The following AFF3 variants were observed in gnomAD, a reference collection of about 807,000 sequenced individuals.
AFF3 encodes ALF transcription elongation factor 3, also known as AF4/FMR2 family member 3.
A neutral mutation model predicts 129.7 loss-of-function variants in AFF3; 32 were observed. The observed-to-expected ratio is 0.25, with a 90% CI of 0.19 to 0.33. AFF3 has a LOEUF of 0.33. Ranked by LOEUF, AFF3 falls within the 10% of genes least tolerant of loss-of-function variation. AFF3 has a pLI of 1.00. For missense variants in AFF3, 1,373 were observed against 1,592.0 expected (o/e 0.86, Z 2.34); for synonymous variants, 644 against 635.4 (o/e 1.01, Z -0.20).
intron 13 of AFF3, among the ~76,000 whole-genome samples, chr2:99,635,461 TTG>T (rs149975940): frequency 1.0e-4 from 15 of 150,526 alleles, no homozygotes; most frequent in African/African-American, 1.5e-4. Flanking sequence ...CCATGCTAAT[TTG>T]TGTGTGTGTG....
At chr2:100,104,792 T>TGCTGCAGCCGCC in intron 3 of AFF3, 1 of 740,594 alleles carries the variant, frequency 1.4e-6, no homozygotes, top group African/African-American at 3.0e-5. Context: ...CCCGGCCCGC[T>TGCTGCAGCCGCC]GCTGCAGCCG....
At chr2:99,574,517 T>C (rs731638) in intron 18 of AFF3, among the ~76,000 whole-genome samples, 3 of 152,098 alleles carry the variant, frequency 2.0e-5, no homozygotes, top group African/African-American at 7.2e-5. Context: ...TTCACCTGCA[T>C]GTAGATTCCT....
chr2:99,633,318 T>C (rs1459992237), intron 13 of AFF3, among the ~76,000 whole-genome samples: 1 of 152,034 alleles, frequency 6.6e-6, no homozygotes, highest in East Asian at 1.9e-4. Context: ...ACAGCAGTGA[T>C]GAGGGTCACC....
chr2:100,006,856 G>A lies in AFF3; in HGVS notation c.649C>T (p.Pro217Ser), dbSNP rs776344720. 2 of 1,614,204 alleles carry A rather than the reference G, an allele frequency of 1.2e-6. No individual in the cohort carries two copies. Among genetic ancestry groups the A allele is most frequent in the Non-Finnish European group, 8.5e-7 (1 of 1,180,040 alleles). Residue 217 changes from proline (P) to serine (S), a missense_variant, in exon 7 of 25, where the codon CCT becomes TCT. Physicochemically the swap from Pro to Ser is moderately conservative, Grantham distance 74. Around this residue, in one of 9 missense-constraint regions of AFF3, gnomAD observed 255 missense variants for 256.0 expected, o/e 1.00. Transcript: ENST00000672756. ...SSSGHCVQNFPPSLASKPSLV... is the reference protein window; with the variant it reads ...SSSGHCVQNFSPSLASKPSLV... ...CTGGGTTTTGAAGCTAGGGATGGAG[G>A]AAAGTTCTGAACACAGTGTCCGCTG...
At chr2:99,839,765 C>A (rs1023877152) in intron 7 of AFF3, among the ~76,000 whole-genome samples, 27 of 152,116 alleles carry the variant, frequency 1.8e-4, no homozygotes, top group African/African-American at 6.5e-4. Flanking sequence ...GCATGTATCA[C>A]CATGCCCGGC....
intron 8 of AFF3, among the ~76,000 whole-genome samples, chr2:99,813,694 G>T (rs140063500): frequency 6.6e-6 from 1 of 152,340 alleles, no homozygotes; most frequent in African/African-American, 2.4e-5. Flanking sequence ...CCTGGTTAGA[G>T]CCTTCTCTGT....
In AFF3 at chr2:99,629,746, G is replaced by A. The variant is rs964954545; in HGVS notation, c.1184+19880C>T. 4.6e-5 allele frequency among the ~76,000 whole-genome samples: 7 copies of A among 152,260 alleles called. No homozygotes were observed. In the South Asian group the frequency reaches 8.3e-4, roughly 18 times the overall value. ...GTCCCATGGGGAGGCTCCTCGTCCC[G>A]GTGTGCGGATGGCCATCTTCTTGCT... On this transcript the variant is annotated intron_variant, in intron 13 of 24. Coordinates refer to ENST00000672756, the MANE Select transcript of AFF3 (RefSeq NM_001386135.1).
intron 2 of AFF3, chr2:100,106,523 G>A: frequency 1.0e-6 from 1 of 1,000,038 alleles, no homozygotes; most frequent in Non-Finnish European, 1.2e-6. Context: ...AAGTGAGATC[G>A]AGACATTGAG....
chr2:99,915,138 T>C (rs1180264275), intron 7 of AFF3, among the ~76,000 whole-genome samples: 3 of 152,080 alleles, frequency 2.0e-5, no homozygotes, highest in Admixed American at 1.3e-4. Flanking sequence ...CTTTTAAGTA[T>C]GAAATTCTTA....
chr2:99,618,191 A>G (rs1253074417), intron 13 of AFF3, among the ~76,000 whole-genome samples: 1 of 139,232 alleles, frequency 7.2e-6, no homozygotes, highest in Non-Finnish European at 1.5e-5. Context: ...TAGTGTTGCT[A>G]GGTGGTTTAG....
Position 99,593,690 on chromosome 2 carries a change from C to T in AFF3, c.1971G>A (p.Arg657=), listed in dbSNP as rs760396715. Residue 657 remains arginine, a synonymous_variant, in exon 15 of 25, where the codon AGG becomes AGA. Coordinates refer to ENST00000672756, the MANE Select transcript of AFF3 (RefSeq NM_001386135.1). The part of the protein sequence containing the change: ...CEKRRTRGLS[R]IVPKSKEFIE... ...TGAACTCCTTGGATTTGGGGACGAT[C>T]CTGCTTAGCCCCCGCGTGCGGCGCT... 1.2e-6 allele frequency: 2 copies of T among 1,605,684 alleles called. No homozygotes were observed. Among genetic ancestry groups the T allele is most frequent in the Admixed American group, 1.7e-5 (1 of 59,564 alleles).
At chr2:99,561,133 C>T (rs1051575603) in intron 20 of AFF3, among the ~76,000 whole-genome samples, 20 of 152,198 alleles carry the variant, frequency 1.3e-4, no homozygotes, top group South Asian at 2.1e-4. Context: ...CTCAGCTCAG[C>T]GACTTATAAG....
intron 11 of AFF3, among the ~76,000 whole-genome samples, chr2:99,685,116 T>C (rs1383406997): frequency 6.6e-6 from 1 of 152,070 alleles, no homozygotes; most frequent in Non-Finnish European, 1.5e-5. Flanking sequence ...TTTTTGTAAT[T>C]TTAATAGAGA....
intron 2 of AFF3, among the ~76,000 whole-genome samples, chr2:100,114,635 G>A (rs746289268): frequency 3.3e-5 from 5 of 152,094 alleles, no homozygotes; most frequent in African/African-American, 4.8e-5. Flanking sequence ...ACCCACCTTG[G>A]CCTCCCAAAG....
intron 7 of AFF3, among the ~76,000 whole-genome samples, chr2:99,940,647 T>C (rs952810418): frequency 6.6e-6 from 1 of 152,192 alleles, no homozygotes; most frequent in African/African-American, 2.4e-5. Flanking sequence ...CACCCTTGTT[T>C]AGCATATCAT....
At position 99,719,046 on chromosome 2, in the gene AFF3, C is replaced by G. The variant is rs62156499; in HGVS notation, c.1091+8031G>C. ...GATTATAGGTGTGAGCCAACGCGCC[C>G]GGCCTTTTTTTTTTTTTTTTTTTTC... On this transcript the variant is annotated intron_variant, in intron 11 of 24. Transcript: ENST00000672756. Among the ~76,000 whole-genome samples the G allele has an allele frequency of 5.2e-5, 7 of 133,426 alleles. No individual in the cohort carries two copies. The South Asian group carries it at 1.5e-3, about 28-fold the overall frequency. The allele number at this position is 133,426 out of a possible 152,430, so 87.5% of individuals were successfully genotyped here.
intron 7 of AFF3, among the ~76,000 whole-genome samples, chr2:99,984,859 C>T (rs556188071): frequency 6.6e-6 from 1 of 152,290 alleles, no homozygotes; most frequent in East Asian, 1.9e-4. Context: ...ACAGATAAAA[C>T]CACCCTGCTG....
At chr2:99,749,526 G>T (rs1681453279) in intron 9 of AFF3, among the ~76,000 whole-genome samples, 2 of 152,186 alleles carry the variant, frequency 1.3e-5, no homozygotes, top group African/African-American at 4.8e-5. Flanking sequence ...TCTATTTTGG[G>T]TCTGGATTAT....
chr2:99,593,811 C>T lies in AFF3; in HGVS notation c.1850G>A (p.Ser617Asn), dbSNP rs1484645054. 1.2e-6 allele frequency: 2 copies of T among 1,610,294 alleles called. No homozygotes were observed. Among genetic ancestry groups the T allele is most frequent in the Non-Finnish European group, 1.7e-6 (2 of 1,179,204 alleles). Residue 617 changes from serine to asparagine, a missense_variant, in exon 15 of 25, where the codon AGC becomes AAC. By Grantham distance (46) the Ser-to-Asn change is conservative. Around this residue, in one of 9 missense-constraint regions of AFF3, gnomAD observed 466 missense variants for 505.0 expected, o/e 0.92. Transcript: ENST00000672756. Reference sequence around the variant, plus strand: ...GGTGGGCTCCGGGGGGACCACCACGCTCGTCCCCAGCGCGTCCGCGGCCGC... The same window carrying T: ...GGTGGGCTCCGGGGGGACCACCACGTTCGTCCCCAGCGCGTCCGCGGCCGC... The part of the protein sequence containing the change: ...EPAAADALGT[S>N]VVVPPEPTKT...
Sources: gnomAD v4.1 joint callset for allele counts (sites outside exome capture counted in the v4.1 genomes callset) on GRCh38, gnomAD v4.1.1 for gene constraint, gnomAD v4.1.1 regional missense constraint, MANE v1.5 for transcripts, NCBI Gene and HGNC (gene_info 2026-07-23, HGNC 2026-07-21) for gene names.